Variants in ADAMTSL1 observed in about 807,000 individuals in gnomAD.
ADAMTSL1 encodes ADAMTS like 1.
ADAMTSL1 carries 126 observed loss-of-function variants against 201.8 expected under a neutral mutation model. The ratio of observed to expected loss-of-function variants is 0.62; its 90% CI spans 0.54 to 0.72. ADAMTSL1 has a LOEUF of 0.72. Ranked by LOEUF, ADAMTSL1 falls within the 30% of genes least tolerant of loss-of-function variation. The pLI, the probability that ADAMTSL1 is intolerant of heterozygous loss-of-function variation, is 0.00. For missense variants in ADAMTSL1, 2,679 were observed against 2,277.8 expected, an observed-to-expected ratio of 1.18 and a Z score of -3.59; for synonymous variants, 1,121 against 903.4, an observed-to-expected ratio of 1.24 and a Z score of -4.32.
At chr9:17,997,274 T>TA (rs1484181674) in intron 1 of ADAMTSL1, among the ~76,000 whole-genome samples, 1 of 152,130 alleles carries the variant, frequency 6.6e-6, no homozygotes, top group East Asian at 1.9e-4. Context: ...TTCTTTCATT[T>TA]AATTGATATT....
intron 2 of ADAMTSL1, among the ~76,000 whole-genome samples, chr9:18,238,415 A>G (rs1377043734): frequency 6.6e-6 from 1 of 152,160 alleles, no homozygotes; most frequent in East Asian, 1.9e-4. Context: ...TGCAGGCAGC[A>G]GAGTTGTAGG....
rs149993799 is a variant in ADAMTSL1, at chr9:18,806,845, A to G, written c.3806-10264A>G. On this transcript the variant is annotated intron_variant, in intron 20 of 28. Transcript: ENST00000380548. ...GGCTGAACACTTCTGTTTTAAAGGCATCACAAGGCCATGCTCCTTCCTTAA... is the reference window on the plus strand; with the variant it reads ...GGCTGAACACTTCTGTTTTAAAGGCGTCACAAGGCCATGCTCCTTCCTTAA... 1.3e-3 allele frequency among the ~76,000 whole-genome samples: 203 copies of G among 152,336 alleles called. 2 individuals carry two copies. The highest frequency in any genetic ancestry group is 2.3e-3 in the Non-Finnish European group (158 of 68,038).
intron 2 of ADAMTSL1, among the ~76,000 whole-genome samples, chr9:18,362,961 C>G (rs965242132): frequency 1.3e-5 from 2 of 152,198 alleles, no homozygotes; most frequent in Non-Finnish European, 2.9e-5. Context: ...GACATTTCAA[C>G]TCTTATTCCA....
intron 3 of ADAMTSL1, among the ~76,000 whole-genome samples, chr9:18,557,608 G>A (rs540805623): frequency 6.6e-6 from 1 of 152,008 alleles, no homozygotes. Context: ...CAACCAAAAA[G>A]AAGTTAAGCC....
chr9:18,077,760 A>C (rs1429853551), intron 1 of ADAMTSL1, among the ~76,000 whole-genome samples: 1 of 152,176 alleles, frequency 6.6e-6, no homozygotes, highest in African/African-American at 2.4e-5. Context: ...AAAAATGCAT[A>C]TTTGTATGCT....
chr9:17,949,169 A>T (rs1463246164), intron 1 of ADAMTSL1, among the ~76,000 whole-genome samples: 1 of 152,222 alleles, frequency 6.6e-6, no homozygotes, highest in Non-Finnish European at 1.5e-5. Context: ...CTCCACGTGT[A>T]TGTTGTATGC....
intron 2 of ADAMTSL1, chr9:18,362,020 A>G (rs891166872): frequency 2.6e-5 from 4 of 152,192 alleles, no homozygotes; most frequent in African/African-American, 9.6e-5. Context: ...GGGATGGGGT[A>G]GAAGTGTTGT....
intron 2 of ADAMTSL1, among the ~76,000 whole-genome samples, chr9:18,221,383 GC>G (rs1830254464): frequency 6.6e-6 from 1 of 152,138 alleles, no homozygotes; most frequent in African/African-American, 2.4e-5. Context: ...TTCACACAGT[GC>G]CCCTTCCCCA....
intron 1 of ADAMTSL1, among the ~76,000 whole-genome samples, chr9:18,078,433 C>CAA (rs1259881057): frequency 6.6e-6 from 1 of 152,174 alleles, no homozygotes; most frequent in African/African-American, 2.4e-5. Context: ...ATAAGCCTTT[C>CAA]TTCCCCTACC....
At chr9:18,032,964 G>A (rs950603316) in intron 1 of ADAMTSL1, among the ~76,000 whole-genome samples, 1 of 152,040 alleles carries the variant, frequency 6.6e-6, no homozygotes, top group African/African-American at 2.4e-5. Context: ...GCTGTTTTCT[G>A]TCAAAAGATC....
rs202085722 is a variant in ADAMTSL1 at position 17,983,064 on chromosome 9, C to CTTTTTTTTTTT, written c.87+76145_87+76146insTTTTTTTTTTT. ...TTTTCATTTTCTTTTTCTTTTCTTT[C>CTTTTTTTTTTT]TTTCTTTCTTTCTTTTTTTTTTTTG... On this transcript the variant is annotated intron_variant, in intron 1 of 29. Coordinates refer to the ADAMTSL1 transcript ENST00000680146. Among the ~76,000 whole-genome samples the CTTTTTTTTTTT allele has an allele frequency of 9.5e-4, 84 of 88,562 alleles. 1 individual carries two copies. Among genetic ancestry groups the CTTTTTTTTTTT allele is most frequent in the Non-Finnish European group, 1.1e-3 (49 of 46,508 alleles). The allele number at this position is 88,562 out of a possible 152,430, so 58.1% of individuals were successfully genotyped here. A position where few individuals can be genotyped will look rare whatever the true frequency, so the allele number is the denominator to read the frequency against.
intron 2 of ADAMTSL1, among the ~76,000 whole-genome samples, chr9:18,397,618 C>T (rs1337052063): frequency 2.0e-5 from 3 of 152,098 alleles, no homozygotes; most frequent in Non-Finnish European, 4.4e-5. Flanking sequence ...AAACCCAATA[C>T]AAGTACATGT....
intron 1 of ADAMTSL1, among the ~76,000 whole-genome samples, chr9:18,133,841 T>G (rs1247234720): frequency 2.6e-5 from 4 of 152,114 alleles, no homozygotes; most frequent in African/African-American, 9.7e-5. Flanking sequence ...ACTATTTGGT[T>G]AACTCTAATG....
At chr9:18,801,246 C>G (rs551270888) in intron 20 of ADAMTSL1, among the ~76,000 whole-genome samples, 1 of 152,148 alleles carries the variant, frequency 6.6e-6, no homozygotes, top group Non-Finnish European at 1.5e-5. Context: ...CAGGCAAAAT[C>G]AGGTTAAAAC....
intron 1 of ADAMTSL1, among the ~76,000 whole-genome samples, chr9:18,126,433 T>G (rs953537012): frequency 3.3e-5 from 5 of 152,166 alleles, no homozygotes; most frequent in African/African-American, 9.6e-5. Context: ...TCCAATACCT[T>G]TCTATATGCT....
At chr9:18,644,264 G>C (rs530255739) in intron 7 of ADAMTSL1, among the ~76,000 whole-genome samples, 27 of 151,872 alleles carry the variant, frequency 1.8e-4, no homozygotes, top group Admixed American at 3.9e-4. Flanking sequence ...AGTTCTAAAA[G>C]TTTTTTGGTG....
chr9:18,318,641 A>G (rs1268743463), intron 2 of ADAMTSL1, among the ~76,000 whole-genome samples: 1 of 152,134 alleles, frequency 6.6e-6, no homozygotes. Flanking sequence ...GGTGTATCAC[A>G]TCTCCAAGGA....
intron 1 of ADAMTSL1, among the ~76,000 whole-genome samples, chr9:17,987,307 A>G (rs1818968849): frequency 6.6e-6 from 1 of 152,054 alleles, no homozygotes; most frequent in South Asian, 2.1e-4. Context: ...CGTTGTAATT[A>G]CTTTTGGAGG....
intron 2 of ADAMTSL1, among the ~76,000 whole-genome samples, chr9:18,215,607 AGGTATATT>A (rs1830029865): frequency 6.6e-6 from 1 of 152,156 alleles, no homozygotes; most frequent in Non-Finnish European, 1.5e-5. Flanking sequence ...GTTGTCATAG[AGGTATATT>A]TGTCAAGATG....
Sources: allele counts gnomAD v4.1 joint callset (sites outside exome capture counted in the v4.1 genomes callset), GRCh38; gene constraint gnomAD v4.1.1; transcripts MANE v1.5; gene names NCBI Gene and HGNC (gene_info 2026-07-23, HGNC 2026-07-21).